TACR3: variants seen among roughly 807,000 people sequenced by gnomAD.
TACR3 encodes tachykinin receptor 3.
Under a neutral mutation model 35.0 loss-of-function variants are expected in TACR3, and 34 were observed. The observed-to-expected ratio is 0.97, with a 90% CI of 0.74 to 1.30. TACR3 has a LOEUF of 1.30. Ranked by LOEUF, TACR3 falls within the 50% of genes most tolerant of loss-of-function variation. TACR3 has a pLI of 0.00. For synonymous variants in TACR3, 233 were observed against 221.1 expected (o/e 1.05, Z -0.48); for missense variants, 558 against 591.7 (o/e 0.94, Z 0.59).
intron 1 of TACR3, among the ~76,000 whole-genome samples, chr4:103,712,049 T>C (rs561362477): frequency 6.6e-6 from 1 of 152,158 alleles, no homozygotes; most frequent in South Asian, 2.1e-4. Flanking sequence ...GAATCAATAT[T>C]GTGAAAATGG....
chr4:103,626,897 G>T (rs1275978022), intron 3 of TACR3, among the ~76,000 whole-genome samples: 1 of 151,766 alleles, frequency 6.6e-6, no homozygotes, highest in African/African-American at 2.4e-5. Context: ...TGGTGGGGCC[G>T]AGCGCGGTAG....
At chr4:103,695,721 G>A (rs932462060) in intron 1 of TACR3, among the ~76,000 whole-genome samples, 2 of 151,514 alleles carry the variant, frequency 1.3e-5, no homozygotes, top group African/African-American at 4.8e-5. Flanking sequence ...CTGTGTGTGT[G>A]TGTGTGTGTG....
At chr4:103,691,769 A>G (rs1722407776) in intron 1 of TACR3, among the ~76,000 whole-genome samples, 1 of 152,284 alleles carries the variant, frequency 6.6e-6, no homozygotes, top group South Asian at 2.1e-4. Flanking sequence ...TTAAGCCACA[A>G]ACAATAGCAT....
intron 3 of TACR3, among the ~76,000 whole-genome samples, chr4:103,640,560 G>A (rs538720209): frequency 4.0e-5 from 6 of 151,742 alleles, no homozygotes; most frequent in African/African-American, 1.4e-4. Flanking sequence ...TATGTATTTT[G>A]GATACTAACC....
At chr4:103,669,836 A>ATT (rs1048165468) in intron 1 of TACR3, among the ~76,000 whole-genome samples, 1 of 150,378 alleles carries the variant, frequency 6.6e-6, no homozygotes, top group African/African-American at 2.4e-5. Context: ...CCATTTATGG[A>ATT]TTTTTTTTTC....
At chr4:103,683,788 C>A (rs765951158) in intron 1 of TACR3, among the ~76,000 whole-genome samples, 1 of 150,640 alleles carries the variant, frequency 6.6e-6, no homozygotes, top group African/African-American at 2.4e-5. Context: ...GTAGAGAACA[C>A]TTTATAATTC....
intron 3 of TACR3, among the ~76,000 whole-genome samples, chr4:103,623,526 G>A (rs926740019): frequency 1.3e-4 from 20 of 152,164 alleles, no homozygotes; most frequent in South Asian, 2.1e-4. Flanking sequence ...ATAGCAAAAC[G>A]TATCTGAACT....
chr4:103,650,087 T>C (rs1725555211), intron 3 of TACR3, among the ~76,000 whole-genome samples: 1 of 152,084 alleles, frequency 6.6e-6, no homozygotes, highest in South Asian at 2.1e-4. Flanking sequence ...TCTTGCAGAC[T>C]CACAGAGATA....
chr4:103,669,375 A>G (rs1260527728), intron 1 of TACR3, among the ~76,000 whole-genome samples: 1 of 152,134 alleles, frequency 6.6e-6, no homozygotes, highest in Non-Finnish European at 1.5e-5. Context: ...ATATATATCT[A>G]GCACTGGGCT....
At chr4:103,693,521 T>C (rs2110218295) in intron 1 of TACR3, among the ~76,000 whole-genome samples, 1 of 152,288 alleles carries the variant, frequency 6.6e-6, no homozygotes, top group South Asian at 2.1e-4. Flanking sequence ...TTGCCTATTT[T>C]TAGGTAAATG....
chr4:103,680,156 A>T (rs1472014864), intron 1 of TACR3, among the ~76,000 whole-genome samples: 1 of 145,874 alleles, frequency 6.9e-6, no homozygotes. Flanking sequence ...TTGATGAAAC[A>T]TATGGGATGT....
intron 1 of TACR3, among the ~76,000 whole-genome samples, chr4:103,716,646 T>G (rs537678345): frequency 6.6e-6 from 1 of 152,144 alleles, no homozygotes; most frequent in Admixed American, 6.5e-5. Flanking sequence ...CATAAGAGGC[T>G]GCAACCATTT....
Position 103,719,212 on chromosome 4 carries a change from G to A in TACR3, c.464C>T (p.Ala155Val). Residue 155 changes from alanine to valine, a missense_variant, in exon 1 of 5, where the codon GCC becomes GTC. Coordinates refer to ENST00000304883, the MANE Select transcript of TACR3 (RefSeq NM_001059.3). ...YALHSEWYFG[A>V]NYCRFQNFFP... ...GAAGTTCTGGAAGCGGCAGTAGTTGGCGCCAAAGTACCACTCGCTATGAAG... is the reference window on the plus strand; with the variant it reads ...GAAGTTCTGGAAGCGGCAGTAGTTGACGCCAAAGTACCACTCGCTATGAAG... 1.9e-6 allele frequency: 3 copies of A among 1,614,186 alleles called. No homozygotes were observed. The highest frequency in any genetic ancestry group is 2.5e-6 in the Non-Finnish European group (3 of 1,180,034).
chr4:103,648,917 GT>G (rs1264882807), intron 3 of TACR3, among the ~76,000 whole-genome samples: 1 of 152,060 alleles, frequency 6.6e-6, no homozygotes, highest in African/African-American at 2.4e-5. Context: ...CTGTATGAGA[GT>G]TTCCTTTCCT....
chr4:103,640,225 TC>T (rs1174836875), intron 3 of TACR3, among the ~76,000 whole-genome samples: 1 of 152,102 alleles, frequency 6.6e-6, no homozygotes, highest in Non-Finnish European at 1.5e-5. Context: ...TTTATGTTTG[TC>T]CCCATTATAA....
At chr4:103,709,554 G>T (rs1722887826) in intron 1 of TACR3, among the ~76,000 whole-genome samples, 1 of 152,124 alleles carries the variant, frequency 6.6e-6, no homozygotes, top group African/African-American at 2.4e-5. Context: ...GCAAAAACAT[G>T]CCAAATTGTA....
At chr4:103,633,886 T>A (rs1449008044) in intron 3 of TACR3, among the ~76,000 whole-genome samples, 1 of 151,662 alleles carries the variant, frequency 6.6e-6, no homozygotes, top group Admixed American at 6.6e-5. Context: ...GTTCTTTTTT[T>A]AAAAAAAGCA....
At chr4:103,599,830 T>C (rs968758396) in intron 3 of TACR3, among the ~76,000 whole-genome samples, 3 of 152,174 alleles carry the variant, frequency 2.0e-5, no homozygotes, top group African/African-American at 7.2e-5. Flanking sequence ...GGATAAACTT[T>C]TTGATGTGCT....
intron 3 of TACR3, among the ~76,000 whole-genome samples, chr4:103,602,711 G>A (rs1329261562): frequency 6.6e-6 from 1 of 152,174 alleles, no homozygotes; most frequent in Non-Finnish European, 1.5e-5. Context: ...GCGGATATTG[G>A]TGAACCGCAG....
Sources: gnomAD v4.1 joint callset for allele counts (sites outside exome capture counted in the v4.1 genomes callset) on GRCh38, gnomAD v4.1.1 for gene constraint, MANE v1.5 for transcripts, NCBI Gene and HGNC (gene_info 2026-07-23, HGNC 2026-07-21) for gene names.